The following EML1 variants were observed in gnomAD, a reference collection of about 807,000 sequenced individuals.
EML1 encodes the protein EMAP like 1, also known as echinoderm microtubule-associated protein-like 1.
In EML1, 27 loss-of-function variants were observed where a neutral mutation model predicts 110.4. The observed-to-expected ratio is 0.24, with a 90% CI of 0.18 to 0.34. The LOEUF (loss-of-function observed/expected upper bound fraction) is 0.34. Among genes scored for constraint, EML1 ranks in the 10% least tolerant of loss-of-function variants. The pLI, the probability that EML1 is intolerant of heterozygous loss-of-function variation, is 1.00. For missense variants in EML1, 741 were observed against 1,030.9 expected, an observed-to-expected ratio of 0.72 and a Z score of 3.85; for synonymous variants, 344 against 385.8, an observed-to-expected ratio of 0.89 and a Z score of 1.27.
At chr14:99,765,026 C>T (rs761365136) in intron 1 of EML1, among the ~76,000 whole-genome samples, 1 of 152,184 alleles carries the variant, frequency 6.6e-6, no homozygotes, top group Admixed American at 6.5e-5. Context: ...CAGCCTCAAC[C>T]TCCTGGGCTC....
chr14:99,795,324 G>T (rs1009225070), intron 1 of EML1, among the ~76,000 whole-genome samples: 1 of 152,150 alleles, frequency 6.6e-6, no homozygotes, highest in Non-Finnish European at 1.5e-5. Context: ...ATGTCCAGAA[G>T]AAAGTAAAAA....
intron 17 of EML1, among the ~76,000 whole-genome samples, chr14:99,925,052 T>C (rs1476154454): frequency 6.6e-6 from 1 of 152,158 alleles, no homozygotes; most frequent in East Asian, 1.9e-4. Context: ...GTGGCATCTT[T>C]GTCTGTCTCA....
At chr14:99,875,473 T>C (rs577796752) in intron 3 of EML1, among the ~76,000 whole-genome samples, 15 of 152,108 alleles carry the variant, frequency 9.9e-5, no homozygotes, top group Non-Finnish European at 1.6e-4. Flanking sequence ...AGCCACCAGG[T>C]TGAGTGTTAA....
At chr14:99,846,363 A>G (rs1464696871) in intron 1 of EML1, among the ~76,000 whole-genome samples, 1 of 147,250 alleles carries the variant, frequency 6.8e-6, no homozygotes, top group East Asian at 2.0e-4. Flanking sequence ...GCTTACTGCA[A>G]CCTTCACCTC....
At chr14:99,830,665 C>T (rs1249363184) in intron 1 of EML1, among the ~76,000 whole-genome samples, 1 of 152,114 alleles carries the variant, frequency 6.6e-6, no homozygotes, top group African/African-American at 2.4e-5. Context: ...ATTCTCCTGC[C>T]TCAGCCTCCC....
At chr14:99,861,556 A>G (rs2059003576) in intron 2 of EML1, among the ~76,000 whole-genome samples, 1 of 152,184 alleles carries the variant, frequency 6.6e-6, no homozygotes, top group East Asian at 1.9e-4. Context: ...ATCTCAGCTC[A>G]CTGCAACCTC....
chr14:99,742,732 C>T (rs2057056952), intron 1 of EML1, among the ~76,000 whole-genome samples: 1 of 152,110 alleles, frequency 6.6e-6, no homozygotes, highest in African/African-American at 2.4e-5. Context: ...ATCCGAGCCC[C>T]ATGTGCCCTG....
chr14:99,918,615 C>T (rs550794605), intron 16 of EML1, among the ~76,000 whole-genome samples: 17 of 152,054 alleles, frequency 1.1e-4, no homozygotes, highest in African/African-American at 1.9e-4. Context: ...GCTAGGAGTT[C>T]GAGACCAGCC....
intron 5 of EML1, 63 bp from the exon 6 acceptor site, chr14:99,894,566 G>A (rs1006506096): frequency 3.3e-5 from 51 of 1,550,932 alleles, no homozygotes; most frequent in Admixed American, 4.0e-5. Context: ...AGAGGATAAA[G>A]CATTTGTTTT....
At chr14:99,772,087 G>A (rs141559900), upstream of EML1, among the ~76,000 whole-genome samples, 6 of 152,248 alleles carry the variant, frequency 3.9e-5, no homozygotes, top group East Asian at 1.9e-4. Context: ...GAGTGATTTC[G>A]GATTGTATCC....
At chr14:99,762,754 C>T (rs1056609864) in intron 1 of EML1, among the ~76,000 whole-genome samples, 7 of 152,126 alleles carry the variant, frequency 4.6e-5, no homozygotes, top group Non-Finnish European at 1.0e-4. Flanking sequence ...AGCCATATTT[C>T]CAGTCACTGC....
chr14:99,864,568 C>T (rs1397757827), intron 2 of EML1, among the ~76,000 whole-genome samples: 1 of 151,972 alleles, frequency 6.6e-6, no homozygotes, highest in Non-Finnish European at 1.5e-5. Context: ...AATCCCAACA[C>T]TGGGAGGCCG....
chr14:99,856,130 A>G (rs1054397215), intron 2 of EML1, among the ~76,000 whole-genome samples: 9 of 151,992 alleles, frequency 5.9e-5, no homozygotes, highest in Non-Finnish European at 1.0e-4. Context: ...TGAGAATGAA[A>G]CCTCTGGGAG....
intron 1 of EML1, among the ~76,000 whole-genome samples, chr14:99,816,898 A>C (rs112553507): frequency 0.024 from 3,587 of 152,238 alleles, 135 homozygotes; most frequent in African/African-American, 0.082. Flanking sequence ...CCCAGGCTTG[A>C]TTTTGTAACA....
At chr14:99,790,621 G>A (rs2057653735), upstream of EML1, among the ~76,000 whole-genome samples, 1 of 152,158 alleles carries the variant, frequency 6.6e-6, no homozygotes, top group Non-Finnish European at 1.5e-5. Context: ...AAACTGCAAA[G>A]TGGAATAGAG....
chr14:99,933,753 A>G (rs2060416270), intron 17 of EML1, among the ~76,000 whole-genome samples: 1 of 152,206 alleles, frequency 6.6e-6, no homozygotes, highest in Non-Finnish European at 1.5e-5. Context: ...AAATAAGTTA[A>G]CACAGGAAGA....
At chr14:99,868,651 TGTA>T (rs1432556040) in intron 3 of EML1, among the ~76,000 whole-genome samples, 5 of 152,198 alleles carry the variant, frequency 3.3e-5, no homozygotes, top group African/African-American at 1.2e-4. Flanking sequence ...TTATATCCGT[TGTA>T]ATGTCCTTTC....
Position 99,766,042 on chromosome 14 carries a change from T to C in EML1, c.28+28182T>C, listed in dbSNP as rs557845908. Among the ~76,000 whole-genome samples, 536 of 152,330 alleles carry C rather than the reference T, an allele frequency of 3.5e-3. 3 individuals are homozygous for C. The highest frequency in any genetic ancestry group is 0.02 in the Middle Eastern group (6 of 294). ...TACTACTTACCCATTCATCCATCAATGAACACTTAGGCTGTTTCCACCTTT... is the reference window on the plus strand; with the variant it reads ...TACTACTTACCCATTCATCCATCAACGAACACTTAGGCTGTTTCCACCTTT... On this transcript the variant is annotated intron_variant, in intron 1 of 10. Transcript: ENST00000554479.
intron 1 of EML1, chr14:99,850,191 A>G (rs2058771408): frequency 1.1e-6 from 1 of 874,924 alleles, no homozygotes; most frequent in South Asian, 1.4e-5. Flanking sequence ...TGCCTACCTC[A>G]GCCTCCCAAA....
Sources: gnomAD v4.1 joint callset for allele counts (sites outside exome capture counted in the v4.1 genomes callset) on GRCh38, gnomAD v4.1.1 for gene constraint, MANE v1.5 for transcripts, NCBI Gene and HGNC (gene_info 2026-07-23, HGNC 2026-07-21) for gene names.